Variants in CPNE5 observed in about 807,000 individuals in gnomAD.
CPNE5 encodes the protein copine-5.
Under a neutral mutation model 81.1 loss-of-function variants are expected in CPNE5, and 42 were observed. The observed-to-expected ratio is 0.52, with a 90% confidence interval of 0.40 to 0.67. CPNE5 has a LOEUF of 0.67. Ranked by LOEUF, CPNE5 falls within the 30% of genes least tolerant of loss-of-function variation. The pLI, the probability that CPNE5 is intolerant of heterozygous loss-of-function variation, is 0.00. For synonymous variants in CPNE5, 313 were observed against 321.5 expected (o/e 0.97, Z 0.28); for missense variants, 612 against 815.5 (o/e 0.75, Z 3.04).
chr6:36,780,047 C>T (rs1015086280), intron 8 of CPNE5, among the ~76,000 whole-genome samples: 3 of 151,760 alleles, frequency 2.0e-5, no homozygotes, highest in African/African-American at 7.3e-5. Context: ...TCACTGCAAG[C>T]TCCGCCTCCC....
chr6:36,829,922 C>A (rs1004224503), intron 1 of CPNE5, among the ~76,000 whole-genome samples: 3 of 149,812 alleles, frequency 2.0e-5, no homozygotes, highest in Non-Finnish European at 2.9e-5. Context: ...TACTGACCAG[C>A]GTCACCCCAT....
chr6:36,742,305 C>T lies in CPNE5; in HGVS notation c.1745G>A (p.Arg582His), dbSNP rs3830138. The T allele has an allele frequency of 2.9e-4, 461 of 1,604,882 alleles. 3 individuals are homozygous for T. In the East Asian group the frequency reaches 9.5e-3, roughly 33 times the overall value. Residue 582 changes from arginine (R) to histidine (H), a missense_variant, in exon 21 of 21, where the codon CGC becomes CAC. Coordinates refer to ENST00000244751, the MANE Select transcript of CPNE5 (RefSeq NM_020939.2). The stretch of plus-strand genomic sequence containing the variant: ...GTGCAGGGGGGACGCAGGGGGCGTG[C>T]GGGCTGGGGACTGCGAGGGCGAGTG... ...PTHSPSQSPA[R>H]TPPASPLHTH...
At position 36,839,297 on chromosome 6, in the gene CPNE5, G is replaced by C; in HGVS notation, c.81C>G (p.Ile27Met). The C allele has an allele frequency of 1.3e-6, 2 of 1,547,016 alleles. No homozygotes were observed. The highest frequency in any genetic ancestry group is 1.7e-6 in the Non-Finnish European group (2 of 1,144,706). ...AGSIPATKVEITVSCRNLLDK... is the reference protein window; with the variant it reads ...AGSIPATKVEMTVSCRNLLDK... The stretch of plus-strand genomic sequence containing the variant: ...GGGAGGCTCACCTGCAGGACACGGT[G>C]ATCTCCACCTTGGTGGCCGGGATGC... Residue 27 changes from isoleucine to methionine, a missense_variant, in exon 1 of 21, where the codon ATC becomes ATG. Ile to Met is a conservative substitution (Grantham distance 10). Transcript: ENST00000244751. This position sits in a 1 kb window ranked among gnomAD's most constrained non-coding sequence, Gnocchi z 7.3.
At chr6:36,808,795 A>G (rs1057134389) in intron 3 of CPNE5, among the ~76,000 whole-genome samples, 1 of 152,194 alleles carries the variant, frequency 6.6e-6, no homozygotes, top group Non-Finnish European at 1.5e-5. Flanking sequence ...TAAGCTTCAT[A>G]ACAACCTTCC....
chr6:36,785,720 T>A (rs1302778537), intron 8 of CPNE5, among the ~76,000 whole-genome samples: 1 of 151,930 alleles, frequency 6.6e-6, no homozygotes, highest in East Asian at 1.9e-4. Context: ...AATAACAATT[T>A]AAAAAATTTA....
chr6:36,826,168 G>A (rs1772487695), intron 1 of CPNE5, among the ~76,000 whole-genome samples: 1 of 152,126 alleles, frequency 6.6e-6, no homozygotes, highest in Admixed American at 6.5e-5. Context: ...ATGCGCATGT[G>A]TTATGGGCGG....
intron 3 of CPNE5, among the ~76,000 whole-genome samples, chr6:36,806,967 T>C (rs1368118690): frequency 6.6e-6 from 1 of 152,206 alleles, no homozygotes; most frequent in Non-Finnish European, 1.5e-5. Flanking sequence ...CCCATCCACA[T>C]AGGTGCCAGA....
intron 8 of CPNE5, among the ~76,000 whole-genome samples, chr6:36,785,765 C>A (rs542595936): frequency 1.6e-4 from 24 of 152,232 alleles, no homozygotes; most frequent in Non-Finnish European, 3.5e-4. Flanking sequence ...GTAATCCCAG[C>A]ACTTTGGGAG....
chr6:36,751,036 G>A (rs1764761068), intron 14 of CPNE5, among the ~76,000 whole-genome samples: 1 of 152,224 alleles, frequency 6.6e-6, no homozygotes, highest in East Asian at 1.9e-4. Flanking sequence ...CCTTCCTCCT[G>A]GGTCCAGGTG....
intron 7 of CPNE5, among the ~76,000 whole-genome samples, 160 bp downstream of exon 7, chr6:36,794,430 G>T (rs1158095994): frequency 6.6e-6 from 1 of 152,190 alleles, no homozygotes; most frequent in Non-Finnish European, 1.5e-5. Context: ...AGGGCCCAAA[G>T]AGCCTGGGTG....
chr6:36,801,128 G>T (rs1770066188), intron 3 of CPNE5, among the ~76,000 whole-genome samples: 1 of 152,252 alleles, frequency 6.6e-6, no homozygotes, highest in Non-Finnish European at 1.5e-5. Flanking sequence ...AGACTGAATT[G>T]TCTTGGTTGC....
intron 6 of CPNE5, 28 bp from the exon 7 acceptor site, chr6:36,794,677 A>T (rs758040907): frequency 1.2e-6 from 2 of 1,609,930 alleles, no homozygotes; most frequent in African/African-American, 2.7e-5. Context: ...GAGAGAGAGC[A>T]TGCCATGAGC....
chr6:36,835,223 T>C (rs1003258936), intron 1 of CPNE5, among the ~76,000 whole-genome samples: 1 of 152,194 alleles, frequency 6.6e-6, no homozygotes, highest in African/African-American at 2.4e-5. Context: ...ATGTAAAAAA[T>C]GCAAATCATT....
At chr6:36,749,100 C>CTT (rs560623757) in intron 14 of CPNE5, among the ~76,000 whole-genome samples, 12,269 of 149,612 alleles carry the variant, frequency 0.082, 610 homozygotes, top group Non-Finnish European at 0.11. Context: ...CCACACCTGG[C>CTT]TTTTTTTTTT....
rs769240657 is a variant in CPNE5, at chr6:36,753,066, T to C, written c.939A>G (p.Ser313=). ...TVTLLSFAVE[S]ECTFLDYIKG... ...TGATGTAGTCAAGGAAGGTGCACTC[T>C]GACTCCACAGCAAAGGAAAGCAGGG... Residue 313 remains serine, a synonymous_variant, in exon 14 of 21, where the codon TCA becomes TCG. Coordinates refer to ENST00000244751, the MANE Select transcript of CPNE5 (RefSeq NM_020939.2). 2.5e-6 allele frequency: 4 copies of C among 1,613,226 alleles called. No homozygotes were observed. In the African/African-American group the frequency reaches 4.0e-5, roughly 16 times the overall value.
At chr6:36,752,725 C>T (rs1764982033) in intron 14 of CPNE5, 1 of 232,816 alleles carries the variant, frequency 4.3e-6, no homozygotes, top group African/African-American at 2.2e-5. Context: ...TTTCTACATC[C>T]CCAAGCCCTT....
chr6:36,839,459 T>TC (rs904245019), upstream of CPNE5: 5 of 1,165,334 alleles, frequency 4.3e-6, no homozygotes, highest in Non-Finnish European at 6.0e-6. The surrounding 1 kb of genome is among the most constrained non-coding windows in gnomAD (Gnocchi z 7.3). Context: ...CCCTGGGCTC[T>TC]CCCCCAACTC....
At chr6:36,764,857 C>T (rs1582795422) in intron 11 of CPNE5, among the ~76,000 whole-genome samples, 1 of 152,312 alleles carries the variant, frequency 6.6e-6, no homozygotes, top group South Asian at 2.1e-4. Flanking sequence ...TACAATTGGC[C>T]TCCCTGCTAG....
intron 10 of CPNE5, among the ~76,000 whole-genome samples, chr6:36,772,302 C>G (rs1391252873): frequency 6.6e-6 from 1 of 152,278 alleles, no homozygotes; most frequent in Non-Finnish European, 1.5e-5. Flanking sequence ...CCCTGACTTT[C>G]CAGCCTTTCC....
Sources: allele counts gnomAD v4.1 joint callset (sites outside exome capture counted in the v4.1 genomes callset), GRCh38; gene constraint gnomAD v4.1.1; non-coding constraint Gnocchi (gnomAD v3.1); transcripts MANE v1.5; gene names NCBI Gene and HGNC (gene_info 2026-07-23, HGNC 2026-07-21).